The following MAP4K3 variants were observed in gnomAD, a reference collection of about 807,000 sequenced individuals.
MAP4K3 encodes the protein mitogen-activated protein kinase kinase kinase kinase 3.
Under a neutral mutation model 143.5 loss-of-function variants are expected in MAP4K3, and 94 were observed. The ratio of observed to expected loss-of-function variants is 0.65; its 90% CI spans 0.55 to 0.78. The LOEUF is 0.78. MAP4K3 is among the 30% of genes least tolerant of loss of function. The probability of loss-of-function intolerance (pLI) is 0.00; values close to 1 mark genes in which losing one functional copy is unlikely to be tolerated. For missense variants in MAP4K3, 1,077 were observed against 1,068.1 expected (o/e 1.01, Z -0.12); for synonymous variants, 416 against 347.2 (o/e 1.20, Z -2.20).
intron 26 of MAP4K3, 53 bp from the exon 27 acceptor site, chr2:39,267,300 G>A: frequency 7.3e-7 from 1 of 1,362,002 alleles, no homozygotes; most frequent in Admixed American, 1.7e-5. Context: ...CTTAGTATAT[G>A]AAAAAGCTAC....
At chr2:39,369,794 T>C (rs549477673) in intron 2 of MAP4K3, among the ~76,000 whole-genome samples, 16 of 152,280 alleles carry the variant, frequency 1.1e-4, no homozygotes, top group Admixed American at 5.2e-4. Flanking sequence ...GCATCCTACC[T>C]AGATATTCCC....
intron 3 of MAP4K3, among the ~76,000 whole-genome samples, chr2:39,349,392 G>A (rs1384696054): frequency 6.6e-6 from 1 of 152,112 alleles, no homozygotes; most frequent in Non-Finnish European, 1.5e-5. Context: ...GGGGATACAA[G>A]CTGATCTATT....
chr2:39,358,882 G>A (rs1665685551), intron 2 of MAP4K3, among the ~76,000 whole-genome samples: 7 of 152,104 alleles, frequency 4.6e-5, no homozygotes, highest in Admixed American at 4.6e-4. Flanking sequence ...TGGGGATTAT[G>A]GGAACTACAA....
chr2:39,281,602 C>CG (rs1419892524), intron 22 of MAP4K3, among the ~76,000 whole-genome samples: 2 of 152,082 alleles, frequency 1.3e-5, no homozygotes, highest in Non-Finnish European at 2.9e-5. Flanking sequence ...CAATCTTAAG[C>CG]TAATTTGTAT....
At chr2:39,258,623 A>T in intron 29 of MAP4K3, 36 bp from the exon 30 acceptor site, 2 of 1,339,656 alleles carry the variant, frequency 1.5e-6, no homozygotes. Flanking sequence ...ACCTACAGAA[A>T]CTGTGATACT....
intron 5 of MAP4K3, 142 bp downstream of exon 5, chr2:39,337,384 C>T (rs1307916230): frequency 5.6e-6 from 3 of 538,818 alleles, no homozygotes; most frequent in African/African-American, 3.9e-5. Flanking sequence ...GTTCATTACA[C>T]AATTTTCAAA....
intron 1 of MAP4K3, among the ~76,000 whole-genome samples, chr2:39,411,144 G>A (rs1310720104): frequency 6.6e-6 from 1 of 152,180 alleles, no homozygotes; most frequent in Non-Finnish European, 1.5e-5. Context: ...TTCCTGTGAG[G>A]ACTGGGAAAT....
At chr2:39,378,000 A>G (rs1666263807) in intron 2 of MAP4K3, 66 bp downstream of exon 2, 2 of 939,022 alleles carry the variant, frequency 2.1e-6, no homozygotes, top group East Asian at 2.5e-5. Context: ...AAACATCATT[A>G]AAATAAGCCT....
Position 39,360,910 on chromosome 2 carries a change from G to C in MAP4K3, c.155-4571C>G, listed in dbSNP as rs370208329. ...GGGAATGACTCAAAATGAGATTTGG[G>C]TGGGAACACAGCTAAACTATATCAA... is the stretch of plus-strand genomic sequence containing the variant. On this transcript the variant is annotated intron_variant, in intron 2 of 33. Transcript: ENST00000263881. 2.7e-3 allele frequency among the ~76,000 whole-genome samples: 412 copies of C among 152,268 alleles called. 2 individuals carry two copies. Among genetic ancestry groups the C allele is most frequent in the African/African-American group, 9.3e-3 (388 of 41,546 alleles).
chr2:39,253,082 T>C (rs1680210837), intron 32 of MAP4K3, among the ~76,000 whole-genome samples: 1 of 152,244 alleles, frequency 6.6e-6, no homozygotes, highest in African/African-American at 2.4e-5. Flanking sequence ...CACGTGATTT[T>C]AGAAAGTGTG....
intron 16 of MAP4K3, among the ~76,000 whole-genome samples, chr2:39,299,476 T>C (rs1378719830): frequency 6.6e-6 from 1 of 152,218 alleles, no homozygotes; most frequent in African/African-American, 2.4e-5. Flanking sequence ...AAAACATGTA[T>C]CTGCCTTCAG....
intron 2 of MAP4K3, among the ~76,000 whole-genome samples, chr2:39,369,193 G>GTTTTTTTTTTTTTTTTTT (rs1553419595): frequency 1.6e-4 from 6 of 37,966 alleles, no homozygotes; most frequent in South Asian, 2.7e-3. Context: ...CTTTGGGCTA[G>GTTTTTTTTTTTTTTTTTT]TTTTTTTTTT....
At position 39,356,254 on chromosome 2, in the gene MAP4K3, A is replaced by G; in HGVS notation, c.240T>C (p.Tyr80=). Residue 80 remains tyrosine, a synonymous_variant, in exon 3 of 34, where the codon TAT becomes TAC. Transcript: ENST00000263881. ...AAGGGAAACAAACAGTATACCTGAG[A>G]TAGCTTCCAAAATAAGCAACAATAT... is the stretch of plus-strand genomic sequence containing the variant. ...HPNIVAYFGS[Y]LRRDKLWICM... 1 of 1,581,822 alleles carries G rather than the reference A, an allele frequency of 6.3e-7. No individual in the cohort carries two copies.
chr2:39,348,779 C>A, intron 3 of MAP4K3, among the ~76,000 whole-genome samples: 1 of 152,074 alleles, frequency 6.6e-6, no homozygotes, highest in Non-Finnish European at 1.5e-5. Flanking sequence ...GAAAAGTTAA[C>A]TATTTTGATG....
intron 3 of MAP4K3, among the ~76,000 whole-genome samples, chr2:39,347,004 C>T (rs1322377889): frequency 6.6e-6 from 1 of 151,818 alleles, no homozygotes; most frequent in Non-Finnish European, 1.5e-5. Flanking sequence ...TCTGGAGGTC[C>T]CATGAGAGTC....
At position 39,340,801 on chromosome 2, in the gene MAP4K3, A is replaced by G. The variant is rs184361090; in HGVS notation, c.310+2587T>C. Among the ~76,000 whole-genome samples the G allele has an allele frequency of 5.9e-5, 9 of 152,330 alleles. No individual in the cohort carries two copies. The East Asian group carries it at 1.7e-3, about 29-fold the overall frequency. ...GAACCAAATAATTTCTAGACATGAA[A>G]ATATATGGTAACCAAAAATAAAATC... On this transcript the variant is annotated intron_variant, in intron 4 of 33. Transcript: ENST00000263881.
chr2:39,284,408 G>A (rs1477244073), intron 21 of MAP4K3, among the ~76,000 whole-genome samples: 1 of 152,026 alleles, frequency 6.6e-6, no homozygotes, highest in Non-Finnish European at 1.5e-5. Flanking sequence ...TGATCCACCT[G>A]TCTTGGCCTC....
At chr2:39,371,244 T>A (rs1361437682) in intron 2 of MAP4K3, among the ~76,000 whole-genome samples, 1 of 152,190 alleles carries the variant, frequency 6.6e-6, no homozygotes, top group Non-Finnish European at 1.5e-5. Context: ...AATGAAGTGG[T>A]GTTTTGATAG....
At chr2:39,396,390 AATAAG>A (rs1666805994) in intron 1 of MAP4K3, among the ~76,000 whole-genome samples, 1 of 152,140 alleles carries the variant, frequency 6.6e-6, no homozygotes, top group African/African-American at 2.4e-5. Flanking sequence ...ACTTAGGTAA[AATAAG>A]ATAAAAGACA....
Sources: gnomAD v4.1 joint callset for allele counts (sites outside exome capture counted in the v4.1 genomes callset) on GRCh38, gnomAD v4.1.1 for gene constraint, MANE v1.5 for transcripts, NCBI Gene and HGNC (gene_info 2026-07-23, HGNC 2026-07-21) for gene names.